Variants in GALNT13 observed in about 807,000 individuals in gnomAD.
The protein encoded by GALNT13 is UDP-GalNAc:polypeptide N-acetylgalactosaminyltransferase 13.
GALNT13 carries 28 observed loss-of-function variants against 64.2 expected under a neutral mutation model. The observed-to-expected ratio is 0.44, with a 90% CI of 0.32 to 0.60. The LOEUF (loss-of-function observed/expected upper bound fraction) is 0.60, where lower values mean the gene tolerates loss of function less well. Ranked by LOEUF, GALNT13 falls within the 20% of genes least tolerant of loss-of-function variation. The pLI, the probability that GALNT13 is intolerant of heterozygous loss-of-function variation, is 0.05. For missense variants in GALNT13, 577 were observed against 669.8 expected, an observed-to-expected ratio of 0.86 and a Z score of 1.53; for synonymous variants, 214 against 224.6, an observed-to-expected ratio of 0.95 and a Z score of 0.42.
chr2:153,423,009 A>G, the GALNT13 span, among the ~76,000 whole-genome samples: 1 of 151,984 alleles, frequency 6.6e-6, no homozygotes, highest in Non-Finnish European at 1.5e-5. Flanking sequence ...GCTCCTCAAC[A>G]ATTTTATATT....
At chr2:154,216,471 G>A (rs868224420) in intron 4 of GALNT13, among the ~76,000 whole-genome samples, 3 of 152,016 alleles carry the variant, frequency 2.0e-5, no homozygotes, top group African/African-American at 4.8e-5. Flanking sequence ...TTCTCAATAC[G>A]AAGCAAATTT....
chr2:154,337,480 T>A, intron 9 of GALNT13, among the ~76,000 whole-genome samples: 1 of 152,080 alleles, frequency 6.6e-6, no homozygotes, highest in East Asian at 1.9e-4. Flanking sequence ...GTATATAGTT[T>A]AATTTCTCCA....
chr2:153,437,292 T>C, the GALNT13 span, among the ~76,000 whole-genome samples: 11 of 152,116 alleles, frequency 7.2e-5, no homozygotes, highest in Non-Finnish European at 1.3e-4. Context: ...CTGAAAAAAA[T>C]GTATATTCTG....
chr2:154,340,144 G>T (rs1304957838), intron 9 of GALNT13, among the ~76,000 whole-genome samples: 1 of 152,090 alleles, frequency 6.6e-6, no homozygotes, highest in East Asian at 1.9e-4. Flanking sequence ...TCCATTGGCT[G>T]TGCAGATCTC....
chr2:153,274,064 G>A, the GALNT13 span, among the ~76,000 whole-genome samples: 2 of 152,116 alleles, frequency 1.3e-5, no homozygotes, highest in Admixed American at 6.5e-5. Flanking sequence ...AGTTAGCCAG[G>A]CTTGGTGGCA....
At chr2:154,144,551 G>A (rs1015413558) in intron 4 of GALNT13, among the ~76,000 whole-genome samples, 2 of 152,118 alleles carry the variant, frequency 1.3e-5, no homozygotes, top group Non-Finnish European at 2.9e-5. Context: ...CTTAGAAAGT[G>A]TCTGAGTCAT....
At chr2:153,099,870 G>T in the GALNT13 span, among the ~76,000 whole-genome samples, 1 of 152,146 alleles carries the variant, frequency 6.6e-6, no homozygotes, top group Non-Finnish European at 1.5e-5. Context: ...GAATTGACTG[G>T]GGCTAGGGTT....
intron 3 of GALNT13, among the ~76,000 whole-genome samples, chr2:153,995,938 G>A (rs955826355): frequency 6.6e-6 from 1 of 152,008 alleles, no homozygotes. Flanking sequence ...TTGCCTTTCC[G>A]TACCTGGCTT....
the GALNT13 span, among the ~76,000 whole-genome samples, chr2:153,591,990 A>T: frequency 6.6e-6 from 1 of 152,108 alleles, no homozygotes; most frequent in Non-Finnish European, 1.5e-5. Flanking sequence ...ACAACAAAAA[A>T]TAATAGCCTT....
At chr2:153,177,855 A>C in the GALNT13 span, among the ~76,000 whole-genome samples, 1 of 152,248 alleles carries the variant, frequency 6.6e-6, no homozygotes, top group Admixed American at 6.5e-5. Context: ...ATACCCTTTA[A>C]CCATCATCTC....
chr2:153,262,402 A>G, the GALNT13 span, among the ~76,000 whole-genome samples: 1 of 152,188 alleles, frequency 6.6e-6, no homozygotes, highest in East Asian at 1.9e-4. Flanking sequence ...TTCTGAAGCT[A>G]TTCCTAACAA....
the GALNT13 span, among the ~76,000 whole-genome samples, chr2:153,633,906 C>T: frequency 1.3e-5 from 2 of 152,096 alleles, no homozygotes; most frequent in African/African-American, 4.8e-5. Context: ...GTGGACAGAA[C>T]TGTCAATCTT....
rs144983140 is a variant in GALNT13, at chr2:154,053,549, G to GA, written c.143-86779dup. ...ATTTGATTTCCCATATACAAAAATT[G>GA]AAAAAAAAATTCTATTTGCTTTTTA... is the stretch of plus-strand genomic sequence containing the variant. On this transcript the variant is annotated intron_variant, in intron 3 of 12. Coordinates refer to ENST00000392825, the MANE Select transcript of GALNT13 (RefSeq NM_052917.4). Among the ~76,000 whole-genome samples, 142 of 149,514 alleles carry GA rather than the reference G, an allele frequency of 9.5e-4. 1 individual carries two copies. In the East Asian group the frequency reaches 0.019, roughly 20 times the overall value.
At chr2:154,005,124 G>A (rs1696159981) in intron 3 of GALNT13, among the ~76,000 whole-genome samples, 1 of 151,864 alleles carries the variant, frequency 6.6e-6, no homozygotes, top group South Asian at 2.1e-4. Flanking sequence ...TTCGAATTTT[G>A]TCTTCAGTCA....
At chr2:154,167,941 A>G (rs957698978) in intron 4 of GALNT13, among the ~76,000 whole-genome samples, 1 of 152,188 alleles carries the variant, frequency 6.6e-6, no homozygotes, top group Non-Finnish European at 1.5e-5. Context: ...CAGAGTAAAG[A>G]GTATTTTCAC....
intron 2 of GALNT13, among the ~76,000 whole-genome samples, chr2:153,905,040 A>C (rs1354117668): frequency 2.0e-5 from 3 of 151,944 alleles, no homozygotes; most frequent in Non-Finnish European, 2.9e-5. Context: ...CACTATTTTA[A>C]CTATGGCTAC....
intron 8 of GALNT13, among the ~76,000 whole-genome samples, chr2:154,262,524 G>A (rs1189664520): frequency 1.3e-5 from 2 of 152,134 alleles, no homozygotes; most frequent in African/African-American, 2.4e-5. Context: ...TCTGAAAGCT[G>A]TTTCAAATAT....
the GALNT13 span, among the ~76,000 whole-genome samples, chr2:153,292,841 C>T: frequency 2.0e-5 from 3 of 152,058 alleles, no homozygotes; most frequent in Admixed American, 1.3e-4. Context: ...GTATAATTCC[C>T]ATCAGACATT....
chr2:153,158,692 T>G, the GALNT13 span, among the ~76,000 whole-genome samples: 1 of 152,202 alleles, frequency 6.6e-6, no homozygotes, highest in South Asian at 2.1e-4. Flanking sequence ...CATGATGTAT[T>G]TTGAAAATAT....
Sources: allele counts gnomAD v4.1 joint callset (sites outside exome capture counted in the v4.1 genomes callset), GRCh38; gene constraint gnomAD v4.1.1; transcripts MANE v1.5; gene names NCBI Gene and HGNC (gene_info 2026-07-23, HGNC 2026-07-21).